Variants in ZNF423 observed in about 807,000 individuals in gnomAD.
ZNF423 encodes the protein zinc finger protein 423.
Under a neutral mutation model 95.8 loss-of-function variants are expected in ZNF423, and 12 were observed. The observed-to-expected ratio is 0.13, with a 90% CI of 0.08 to 0.20. ZNF423 has a LOEUF of 0.20. Among genes scored for constraint, ZNF423 ranks in the 10% least tolerant of loss-of-function variants. The pLI, the probability that ZNF423 is intolerant of heterozygous loss-of-function variation, is 1.00. For synonymous variants in ZNF423, 749 were observed against 711.9 expected (o/e 1.05, Z -0.83); for missense variants, 1,316 against 1,737.1 (o/e 0.76, Z 4.31).
intron 5 of ZNF423, among the ~76,000 whole-genome samples, chr16:49,605,103 G>T (rs558538016): frequency 2.0e-5 from 3 of 152,030 alleles, no homozygotes; most frequent in South Asian, 2.1e-4. Context: ...CCGGCCCTGG[G>T]TCTGGGCCAC....
chr16:49,665,242 C>CATTCATTA, intron 3 of ZNF423, among the ~76,000 whole-genome samples: 1 of 152,358 alleles, frequency 6.6e-6, no homozygotes, highest in South Asian at 2.1e-4. Context: ...CACATCCTTT[C>CATTCATTA]ATTCATTAAT....
chr16:49,536,135 A>G (rs1432973449), intron 5 of ZNF423, among the ~76,000 whole-genome samples: 1 of 152,232 alleles, frequency 6.6e-6, no homozygotes, highest in Non-Finnish European at 1.5e-5. Context: ...CACCTGCAGA[A>G]TGCAAGAAAG....
intron 1 of ZNF423, among the ~76,000 whole-genome samples, chr16:49,824,832 G>A (rs775364567): frequency 3.3e-5 from 5 of 152,136 alleles, no homozygotes; most frequent in Non-Finnish European, 5.9e-5. Flanking sequence ...AGGGTGCCCC[G>A]TAAGCAGAGG....
intron 5 of ZNF423, among the ~76,000 whole-genome samples, chr16:49,624,528 G>A (rs1972194602): frequency 6.6e-6 from 1 of 152,150 alleles, no homozygotes; most frequent in Non-Finnish European, 1.5e-5. Flanking sequence ...ACTCCAGCCT[G>A]GGTGACAGAG....
At chr16:49,596,208 G>A (rs1012188957) in intron 5 of ZNF423, among the ~76,000 whole-genome samples, 9 of 152,274 alleles carry the variant, frequency 5.9e-5, no homozygotes, top group South Asian at 2.1e-4. Context: ...GCACAAAGCC[G>A]CAAACAGCTC....
intron 5 of ZNF423, among the ~76,000 whole-genome samples, chr16:49,573,072 T>C (rs1365276237): frequency 6.6e-6 from 1 of 152,054 alleles, no homozygotes; most frequent in Non-Finnish European, 1.5e-5. Flanking sequence ...GAGTGAATGG[T>C]GACTTAAATA....
chr16:49,545,361 T>A (rs1969401119), intron 5 of ZNF423, among the ~76,000 whole-genome samples: 1 of 152,188 alleles, frequency 6.6e-6, no homozygotes, highest in South Asian at 2.1e-4. Context: ...TAATGGGGAC[T>A]GTCATGAAGA....
chr16:49,549,245 G>A (rs369613858), intron 5 of ZNF423, among the ~76,000 whole-genome samples: 49 of 152,284 alleles, frequency 3.2e-4, no homozygotes, highest in Middle Eastern at 3.4e-3. Flanking sequence ...AGATGGTCTC[G>A]GGGCCACCAA....
At chr16:49,854,677 G>A (rs2035338935) in intron 1 of ZNF423, 1 of 985,306 alleles carries the variant, frequency 1.0e-6, no homozygotes, top group South Asian at 4.7e-5. Context: ...AGCAGGCAAG[G>A]CCTGGAAAGG....
Position 49,534,760 on chromosome 16 carries a change from G to A in ZNF423, c.3602-9266C>T, listed in dbSNP as rs767453051. Among the ~76,000 whole-genome samples the A allele has an allele frequency of 2.4e-4, 37 of 152,082 alleles. 1 individual carries two copies. Among genetic ancestry groups the A allele is most frequent in the Admixed American group, 8.5e-4 (13 of 15,276 alleles). On this transcript the variant is annotated intron_variant, in intron 5 of 7. Coordinates refer to ENST00000563137, the MANE Select transcript of ZNF423 (RefSeq NM_001379286.1). ...GACATTGTGTGTTCTCTCATGGCAC[G>A]TCCTATGCTACTTCCACCTTCAAAA...
intron 5 of ZNF423, among the ~76,000 whole-genome samples, chr16:49,621,032 G>GC (rs536987874): frequency 2.6e-5 from 4 of 152,212 alleles, no homozygotes; most frequent in Non-Finnish European, 2.9e-5. Flanking sequence ...TCCTTCAGCA[G>GC]CCCCCCCGGG....
At chr16:49,521,812 G>T (rs1478210799) in intron 7 of ZNF423, among the ~76,000 whole-genome samples, 2 of 152,202 alleles carry the variant, frequency 1.3e-5, no homozygotes, top group Non-Finnish European at 2.9e-5. Flanking sequence ...GCCCTGGCAT[G>T]GGGCCAGCCT....
intron 2 of ZNF423, among the ~76,000 whole-genome samples, chr16:49,739,420 A>G (rs2033364547): frequency 6.6e-6 from 1 of 152,102 alleles, no homozygotes; most frequent in Non-Finnish European, 1.5e-5. Flanking sequence ...AAGGCACGAA[A>G]ATGTCCATGC....
chr16:49,639,199 G>A (rs1238459573), intron 3 of ZNF423, among the ~76,000 whole-genome samples: 2 of 152,318 alleles, frequency 1.3e-5, no homozygotes, highest in African/African-American at 4.8e-5. Flanking sequence ...GGGGCAGCCT[G>A]GACAAAGTCA....
At chr16:49,502,414 G>A (rs188064821) in intron 7 of ZNF423, among the ~76,000 whole-genome samples, 61 of 152,202 alleles carry the variant, frequency 4.0e-4, no homozygotes, top group African/African-American at 1.4e-3. Context: ...TTCTGGGTGC[G>A]CCAGGTGCTG....
chr16:49,525,335 C>T (rs1364100895), intron 6 of ZNF423, 28 bp downstream of exon 6: 7 of 1,613,146 alleles, frequency 4.3e-6, no homozygotes, highest in Non-Finnish European at 5.9e-6. Flanking sequence ...ATCTCTCTCC[C>T]CTGAGGGGCA....
intron 1 of ZNF423, among the ~76,000 whole-genome samples, chr16:49,792,268 C>G (rs2034428834): frequency 6.6e-6 from 1 of 152,160 alleles, no homozygotes; most frequent in Admixed American, 6.5e-5. Context: ...TGTGACCACC[C>G]AAGTCACTGA....
chr16:49,627,578 T>A lies in ZNF423; in HGVS notation c.3517-1324A>T, dbSNP rs142454225. Among the ~76,000 whole-genome samples, 1,093 of 140,696 alleles carry A rather than the reference T, an allele frequency of 7.8e-3. 9 individuals are homozygous for A. Among genetic ancestry groups the A allele is most frequent in the Non-Finnish European group, 0.013 (863 of 64,738 alleles). The allele number at this position is 140,696 out of a possible 152,430, so 92.3% of individuals were successfully genotyped here. On this transcript the variant is annotated intron_variant, in intron 4 of 7. Coordinates refer to ENST00000563137, the MANE Select transcript of ZNF423 (RefSeq NM_001379286.1). Reference sequence around the variant, plus strand: ...ATTCCACCCATCCATCCATCCTCCATCTACCCATCCATTTATCTATACTCA... The same window carrying A: ...ATTCCACCCATCCATCCATCCTCCAACTACCCATCCATTTATCTATACTCA...
At chr16:49,586,511 C>T (rs533357492) in intron 5 of ZNF423, among the ~76,000 whole-genome samples, 1 of 152,344 alleles carries the variant, frequency 6.6e-6, no homozygotes, top group South Asian at 2.1e-4. Context: ...TCTTGCATGC[C>T]AGCACACCAA....
Sources: allele counts gnomAD v4.1 joint callset (sites outside exome capture counted in the v4.1 genomes callset), GRCh38; gene constraint gnomAD v4.1.1; transcripts MANE v1.5; gene names NCBI Gene and HGNC (gene_info 2026-07-23, HGNC 2026-07-21).